The following AP1G1 variants were observed in gnomAD, a reference collection of about 807,000 sequenced individuals.
The protein encoded by AP1G1 is adaptor related protein complex 1 subunit gamma 1.
In AP1G1, 7 loss-of-function variants were observed where a neutral mutation model predicts 108.3. The ratio of observed to expected loss-of-function variants is 0.06; its 90% CI spans 0.04 to 0.12. The LOEUF (loss-of-function observed/expected upper bound fraction) is 0.12, where lower values mean the gene tolerates loss of function less well. AP1G1 is among the 10% of genes least tolerant of loss of function. AP1G1 has a pLI of 1.00. For missense variants in AP1G1, 756 were observed against 1,010.7 expected (o/e 0.75, Z 3.42); for synonymous variants, 379 against 353.5 (o/e 1.07, Z -0.81).
At chr16:71,796,439 C>G (rs999744364) in intron 1 of AP1G1, among the ~76,000 whole-genome samples, 1 of 152,108 alleles carries the variant, frequency 6.6e-6, no homozygotes, top group African/African-American at 2.4e-5. Context: ...CCTTAAGCGC[C>G]TCAACTCCCA....
At chr16:71,783,453 G>A (rs942204652) in intron 2 of AP1G1, among the ~76,000 whole-genome samples, 7 of 152,056 alleles carry the variant, frequency 4.6e-5, no homozygotes, top group African/African-American at 1.4e-4. Context: ...GATACTATTT[G>A]CAACAGAAAC....
At chr16:71,747,633 G>C (rs1352999034) in intron 16 of AP1G1, among the ~76,000 whole-genome samples, 1 of 151,504 alleles carries the variant, frequency 6.6e-6, no homozygotes, top group Admixed American at 6.6e-5. Flanking sequence ...ATATGGGGAA[G>C]TAGATTCTCA....
At chr16:71,746,096 G>A (rs185126963) in intron 17 of AP1G1, among the ~76,000 whole-genome samples, 14 of 151,930 alleles carry the variant, frequency 9.2e-5, no homozygotes, top group Admixed American at 2.6e-4. Flanking sequence ...TGAAACATCC[G>A]CCTCCCAGGT....
chr16:71,796,905 C>A (rs2032606087), intron 1 of AP1G1, among the ~76,000 whole-genome samples: 1 of 151,994 alleles, frequency 6.6e-6, no homozygotes, highest in Non-Finnish European at 1.5e-5. Flanking sequence ...CACAGTGGCT[C>A]AGGCCTGTAA....
At chr16:71,770,999 GA>G in intron 5 of AP1G1, 156 bp downstream of exon 5, 1 of 449,298 alleles carries the variant, frequency 2.2e-6, no homozygotes. Context: ...TATGTGAGTG[GA>G]AAGACTTGTC....
At chr16:71,792,472 T>C (rs1010023487) in intron 1 of AP1G1, among the ~76,000 whole-genome samples, 2 of 152,106 alleles carry the variant, frequency 1.3e-5, no homozygotes, top group African/African-American at 4.8e-5. Context: ...AACAAAGAAA[T>C]GTGAGTCCGT....
chr16:71,754,364 G>A (rs1044202808), intron 12 of AP1G1, among the ~76,000 whole-genome samples: 1 of 150,994 alleles, frequency 6.6e-6, no homozygotes, highest in Non-Finnish European at 1.5e-5. Flanking sequence ...AAGAAAGGAA[G>A]GAAAGGAAAA....
At chr16:71,780,847 C>A (rs1414186818) in intron 2 of AP1G1, among the ~76,000 whole-genome samples, 1 of 148,174 alleles carries the variant, frequency 6.7e-6, no homozygotes, top group Non-Finnish European at 1.5e-5. Context: ...GAGCTGGAGT[C>A]TCACTCTGTC....
chr16:71,740,004 TACTACCTCATG>T (rs1485607310), intron 19 of AP1G1, among the ~76,000 whole-genome samples: 1 of 152,208 alleles, frequency 6.6e-6, no homozygotes, highest in Non-Finnish European at 1.5e-5. Flanking sequence ...TATAGTGAGA[TACTACCTCATG>T]TCTACCAGAA....
rs149309712 is a variant in AP1G1, at chr16:71,769,455, C to G, written c.642+168G>C. On this transcript the variant is annotated intron_variant, in intron 6 of 22. Transcript: ENST00000299980. ...AACACAATACTAGTGCCAGTTCTCA[C>G]TTATATGCCTAAATCTGGCTTCCAG... 250 of 646,808 alleles carry G rather than the reference C, an allele frequency of 3.9e-4. 1 individual carries two copies. In the African/African-American group the frequency reaches 4.1e-3, roughly 11 times the overall value. The allele number at this position is 646,808 out of a possible 1,614,324, so 40.1% of individuals were successfully genotyped here. A position where few individuals can be genotyped will look rare whatever the true frequency, so the allele number is the denominator to read the frequency against.
intron 1 of AP1G1, among the ~76,000 whole-genome samples, chr16:71,803,131 G>A (rs1044494959): frequency 1.2e-4 from 18 of 150,896 alleles, no homozygotes; most frequent in South Asian, 6.3e-4. Flanking sequence ...CAAGAATCGC[G>A]GGAACCCAGG....
chr16:71,798,625 C>T (rs559407309), intron 1 of AP1G1, among the ~76,000 whole-genome samples: 3 of 151,940 alleles, frequency 2.0e-5, no homozygotes, highest in African/African-American at 7.2e-5. Flanking sequence ...CGGTGGCTCA[C>T]GCCTGTAATC....
chr16:71,780,488 C>G (rs2031972652), intron 2 of AP1G1, among the ~76,000 whole-genome samples: 1 of 124,946 alleles, frequency 8.0e-6, no homozygotes, highest in African/African-American at 3.3e-5. Context: ...AAGATCCTGT[C>G]TCTTAATTTA....
At chr16:71,794,813 C>CATTCTCAG (rs1158721962) in intron 1 of AP1G1, among the ~76,000 whole-genome samples, 3 of 138,322 alleles carry the variant, frequency 2.2e-5, no homozygotes, top group Non-Finnish European at 1.5e-5. Flanking sequence ...ACAGCAATAC[C>CATTCTCAG]ATTCTCAGGC....
In AP1G1 at chr16:71,797,101, C is replaced by T. The variant is rs186089195; in HGVS notation, c.-3-7619G>A. ...AGTAAACAATGATCGCTAAACAAGA[C>T]AAACATCTAATCTGACACTAATGAA... On this transcript the variant is annotated intron_variant, in intron 1 of 22. Transcript: ENST00000299980. Among the ~76,000 whole-genome samples the T allele has an allele frequency of 3.9e-3, 587 of 151,400 alleles. 1 individual carries two copies. Among genetic ancestry groups the T allele is most frequent in the Middle Eastern group, 0.024 (7 of 294 alleles).
rs2145402076 is a variant in AP1G1, at chr16:71,731,379, G to C, written c.*1679C>G. On this transcript the variant is annotated 3_prime_UTR_variant, in exon 23 of 23. Coordinates refer to ENST00000299980, the MANE Select transcript of AP1G1 (RefSeq NM_001128.6). Reference sequence around the variant, plus strand: ...CAGCATCTGATACAGAGCTAGATTTGACAAGACACTGAAGATTTTAAGTAA... The same window carrying C: ...CAGCATCTGATACAGAGCTAGATTTCACAAGACACTGAAGATTTTAAGTAA... The C allele has an allele frequency of 6.5e-6, 1 of 152,682 alleles. No homozygotes were observed. The highest frequency in any genetic ancestry group is 2.4e-5 in the African/African-American group (1 of 41,540). The allele number at this position is 152,682 out of a possible 1,614,324, so 9.5% of individuals were successfully genotyped here. A position where few individuals can be genotyped will look rare whatever the true frequency, so the allele number is the denominator to read the frequency against.
chr16:71,768,978 CAAAA>C (rs59451625), intron 6 of AP1G1, among the ~76,000 whole-genome samples: 1 of 65,018 alleles, frequency 1.5e-5, no homozygotes, highest in Non-Finnish European at 2.6e-5. Context: ...AAAAAAAATA[CAAAA>C]AAAAAAAAAA....
chr16:71,760,545 C>CAAAAAAAAAAA (rs1160425772), intron 10 of AP1G1, among the ~76,000 whole-genome samples: 1 of 95,178 alleles, frequency 1.1e-5, no homozygotes. Context: ...AACTCCATCT[C>CAAAAAAAAAAA]AAAAAAAAAA....
chr16:71,747,782 G>C (rs2030261492), intron 16 of AP1G1, among the ~76,000 whole-genome samples: 1 of 151,974 alleles, frequency 6.6e-6, no homozygotes, highest in African/African-American at 2.4e-5. Context: ...AGGAGTTTGA[G>C]ACCAGCCTGG....
Sources: allele counts gnomAD v4.1 joint callset (sites outside exome capture counted in the v4.1 genomes callset), GRCh38; gene constraint gnomAD v4.1.1; transcripts MANE v1.5; gene names NCBI Gene and HGNC (gene_info 2026-07-23, HGNC 2026-07-21).